The following CNTN6 variants were observed in gnomAD, a reference collection of about 807,000 sequenced individuals.
CNTN6 encodes the protein contactin-6.
CNTN6 carries 137 observed loss-of-function variants against 122.8 expected under a neutral mutation model. That is an observed-to-expected ratio of 1.12 (90% confidence interval 0.97 to 1.29). The LOEUF is 1.29. CNTN6 is among the 50% of genes most tolerant of loss of function. The pLI is 0.00. For missense variants in CNTN6, 1,634 were observed against 1,223.4 expected (o/e 1.34, Z -5.01); for synonymous variants, 570 against 426.0 (o/e 1.34, Z -4.16).
intron 1 of CNTN6, among the ~76,000 whole-genome samples, chr3:1,103,036 G>A (rs2091024064): frequency 1.3e-5 from 2 of 151,536 alleles, no homozygotes; most frequent in Admixed American, 6.6e-5. Context: ...AACCCGGGAG[G>A]CGGAGCTTGC....
At chr3:1,402,227 T>C in intron 21 of CNTN6, 91 bp from the exon 22 acceptor site, 1 of 890,942 alleles carries the variant, frequency 1.1e-6, no homozygotes, top group Non-Finnish European at 1.7e-6. Context: ...TTTATGATGA[T>C]GTATCTTATG....
chr3:1,182,602 GT>G (rs772899306), intron 2 of CNTN6, among the ~76,000 whole-genome samples: 1,848 of 144,740 alleles, frequency 0.013, 29 homozygotes, highest in African/African-American at 0.039. Flanking sequence ...CTTTTCCTTA[GT>G]TTTTTTTTTT....
intron 7 of CNTN6, among the ~76,000 whole-genome samples, chr3:1,311,573 A>G (rs28491926): frequency 5.4e-5 from 8 of 149,092 alleles, no homozygotes; most frequent in Non-Finnish European, 8.9e-5. Context: ...ATCTTTATAT[A>G]CACATATATG....
At chr3:1,246,582 A>G (rs1486123775) in intron 4 of CNTN6, among the ~76,000 whole-genome samples, 1 of 152,212 alleles carries the variant, frequency 6.6e-6, no homozygotes, top group African/African-American at 2.4e-5. Flanking sequence ...GGGCATGCAT[A>G]TGACAATTTT....
At chr3:1,361,540 A>T (rs1166920762) in intron 12 of CNTN6, among the ~76,000 whole-genome samples, 2 of 152,174 alleles carry the variant, frequency 1.3e-5, no homozygotes, top group Admixed American at 6.6e-5. Flanking sequence ...GTCCAAAATT[A>T]TACTTATTTC....
intron 11 of CNTN6, among the ~76,000 whole-genome samples, chr3:1,343,153 G>C (rs1479956926): frequency 6.6e-6 from 1 of 152,074 alleles, no homozygotes; most frequent in East Asian, 1.9e-4. Flanking sequence ...ATCTTCTCTA[G>C]CTGACTTTAT....
chr3:1,362,715 G>C (rs1454905209), intron 12 of CNTN6, among the ~76,000 whole-genome samples: 1 of 151,864 alleles, frequency 6.6e-6, no homozygotes, highest in African/African-American at 2.4e-5. Flanking sequence ...GGAGCAGAGA[G>C]GACAGAAAGA....
intron 3 of CNTN6, among the ~76,000 whole-genome samples, chr3:1,222,245 ATTTGTTAGTT>A (rs2094217056): frequency 6.6e-6 from 1 of 152,086 alleles, no homozygotes; most frequent in Non-Finnish European, 1.5e-5. Context: ...GAGTTTGTTG[ATTTGTTAGTT>A]TTTCTTAAAT....
At chr3:1,241,383 C>G in intron 4 of CNTN6, among the ~76,000 whole-genome samples, 1 of 151,746 alleles carries the variant, frequency 6.6e-6, no homozygotes, top group Admixed American at 6.6e-5. Context: ...AGTGTGGGAA[C>G]CTAGAGTGGG....
chr3:1,153,803 C>G (rs17034399), intron 2 of CNTN6, among the ~76,000 whole-genome samples: 6,423 of 152,186 alleles, frequency 0.042, 422 homozygotes, highest in African/African-American at 0.15. Context: ...TCAAAGACAA[C>G]GATGTATCAC....
rs371350071 is a variant in CNTN6, at chr3:1,383,257, C to A, written c.2402-36C>A. ...CTTGTTCCATTTTCAATGAACCACT[C>A]TGCTAAAGATGGTTATGTCTTTCTC... On this transcript the variant is annotated intron_variant, in intron 18 of 22. Transcript: ENST00000446702. The A allele has an allele frequency of 8.8e-6, 14 of 1,595,530 alleles. No homozygotes were observed. The East Asian group carries it at 2.9e-4, about 33-fold the overall frequency.
intron 2 of CNTN6, among the ~76,000 whole-genome samples, 180 bp downstream of exon 2, chr3:1,148,243 C>T (rs142275386): frequency 6.6e-6 from 1 of 152,054 alleles, no homozygotes; most frequent in East Asian, 1.9e-4. Flanking sequence ...AAAAATGTAT[C>T]AAATGCCAGT....
rs566293174 is a variant in CNTN6 at position 1,360,176 on chromosome 3, A to G, written c.1492+7725A>G. On this transcript the variant is annotated intron_variant, in intron 12 of 22. Coordinates refer to ENST00000446702, the MANE Select transcript of CNTN6 (RefSeq NM_001289080.2). ...GTGGTTTAGTTTGAAGTAGAATTCT[A>G]GACTGGAAGCCATTATTTCTCAGAA... 9.2e-5 allele frequency among the ~76,000 whole-genome samples: 14 copies of G among 152,236 alleles called. No homozygotes were observed. In the South Asian group the frequency reaches 2.5e-3, roughly 27 times the overall value.
At chr3:1,297,747 A>C in intron 6 of CNTN6, 142 bp from the exon 7 acceptor site, 1 of 607,930 alleles carries the variant, frequency 1.6e-6, no homozygotes, top group African/African-American at 1.9e-5. Flanking sequence ...GAAGCATTTT[A>C]GAATCTATAT....
rs377176591 is a variant in CNTN6 at position 1,237,020 on chromosome 3, G to T, written c.358+9027G>T. Among the ~76,000 whole-genome samples the T allele has an allele frequency of 5.3e-5, 8 of 152,042 alleles. No individual in the cohort carries two copies. In the South Asian group the frequency reaches 1.0e-3, roughly 20 times the overall value. ...GGCGTGAACCTGGGAGGCAGAGCTT[G>T]CAGTGAGCTGTGATCACGCCACTGC... is the stretch of plus-strand genomic sequence containing the variant. On this transcript the variant is annotated intron_variant, in intron 4 of 22. Coordinates refer to ENST00000446702, the MANE Select transcript of CNTN6 (RefSeq NM_001289080.2).
intron 6 of CNTN6, 35 bp downstream of exon 6, chr3:1,295,839 T>C (rs1173550327): frequency 3.8e-6 from 6 of 1,578,962 alleles, no homozygotes; most frequent in Non-Finnish European, 5.2e-6. Context: ...ATGTACTTTA[T>C]CTTTGGCCCT....
intron 4 of CNTN6, among the ~76,000 whole-genome samples, chr3:1,273,818 G>T (rs887377007): frequency 6.6e-6 from 1 of 152,070 alleles, no homozygotes; most frequent in African/African-American, 2.4e-5. Context: ...TGTCACAAGC[G>T]GATGCTATTT....
chr3:1,236,345 C>A (rs1004972761), intron 4 of CNTN6, among the ~76,000 whole-genome samples: 1 of 152,162 alleles, frequency 6.6e-6, no homozygotes, highest in African/African-American at 2.4e-5. Context: ...CACTCCCCTA[C>A]TACCTCCACC....
rs150824741 is a variant in CNTN6 at position 1,164,958 on chromosome 3, T to C, written c.55+16895T>C. Among the ~76,000 whole-genome samples, 1,073 of 152,174 alleles carry C rather than the reference T, an allele frequency of 7.1e-3. 15 individuals carry two copies. The highest frequency in any genetic ancestry group is 0.025 in the African/African-American group (1,041 of 41,522). On this transcript the variant is annotated intron_variant, in intron 2 of 22. Coordinates refer to ENST00000446702, the MANE Select transcript of CNTN6 (RefSeq NM_001289080.2). The stretch of plus-strand genomic sequence containing the variant: ...TTGATTTTTAGTGCTATAACCCAAA[T>C]AAAGAAAAATGCAAGCATGCATTGG...
Sources: gnomAD v4.1 joint callset for allele counts (sites outside exome capture counted in the v4.1 genomes callset) on GRCh38, gnomAD v4.1.1 for gene constraint, MANE v1.5 for transcripts, NCBI Gene and HGNC (gene_info 2026-07-23, HGNC 2026-07-21) for gene names.